The following PXDN variants were observed in gnomAD, a reference collection of about 807,000 sequenced individuals.
The protein encoded by PXDN is peroxidasin homolog.
In PXDN, 77 loss-of-function variants were observed where a neutral mutation model predicts 140.3. The observed-to-expected ratio is 0.55, with a 90% CI of 0.46 to 0.66. PXDN has a LOEUF of 0.66. Ranked by LOEUF, PXDN falls within the 30% of genes least tolerant of loss-of-function variation. The pLI is 0.00. For synonymous variants in PXDN, 911 were observed against 857.4 expected, an observed-to-expected ratio of 1.06 and a Z score of -1.09; for missense variants, 1,838 against 2,039.5, an observed-to-expected ratio of 0.90 and a Z score of 1.90.
At position 1,648,672 on chromosome 2, in the gene PXDN, C is replaced by A; in HGVS notation, c.3108G>T (p.Pro1036=). 2 of 1,608,524 alleles carry A rather than the reference C, an allele frequency of 1.2e-6. No homozygotes were observed. The highest frequency in any genetic ancestry group is 1.7e-6 in the Non-Finnish European group (2 of 1,177,898). The change falls in exon 17 of 23, where the codon CCG becomes CCT. Residue 1036 remains proline (P), a synonymous_variant. Coordinates refer to ENST00000252804, the MANE Select transcript of PXDN (RefSeq NM_012293.3). This position sits in a 1 kb window ranked among gnomAD's most constrained non-coding sequence, Gnocchi z 8.9. ...IQHITYQHWL[P]KILGEVGMRT... ...TCATGCCCACCTCCCCCAGGATCTT[C>A]GGGAGCCAGTGCTGGTAGGTGATGT... is the stretch of plus-strand genomic sequence containing the variant.
rs1683866139 is a variant in PXDN, at chr2:1,680,367, G to C, written c.561-5C>G. 1 of 1,613,804 alleles carries C rather than the reference G, an allele frequency of 6.2e-7. No individual in the cohort carries two copies. The highest frequency in any genetic ancestry group is 8.5e-7 in the Non-Finnish European group (1 of 1,179,850). On this transcript the variant is annotated splice_region_variant and splice_polypyrimidine_tract_variant and intron_variant, in intron 6 of 22. Coordinates refer to ENST00000252804, the MANE Select transcript of PXDN (RefSeq NM_012293.3). ...AGTGTGTTTGAGTCCAGTCGCCTGT[G>C]GGAAGGAAGATGCAGCCGGTGAGAC... is the stretch of plus-strand genomic sequence containing the variant.
chr2:1,698,949 T>C (rs1277148923), intron 1 of PXDN, among the ~76,000 whole-genome samples: 6 of 152,186 alleles, frequency 3.9e-5, no homozygotes, highest in South Asian at 2.1e-4. Context: ...AGTTTTAGGG[T>C]AGTTTTTGTG....
chr2:1,673,835 TGG>T (rs745490519), intron 8 of PXDN, 23 bp from the exon 9 acceptor site: 3 of 1,613,244 alleles, frequency 1.9e-6, no homozygotes, highest in Non-Finnish European at 2.5e-6. Flanking sequence ...AAATATGGTC[TGG>T]TCAAGTGTTG....
intron 1 of PXDN, among the ~76,000 whole-genome samples, chr2:1,726,420 GA>G (rs2125485674): frequency 7.3e-6 from 1 of 136,880 alleles, no homozygotes; most frequent in South Asian, 2.6e-4. Context: ...ACACTCTGGG[GA>G]CTGTTGTGGG....
chr2:1,674,932 A>G (rs1683662026), intron 8 of PXDN, among the ~76,000 whole-genome samples: 1 of 152,202 alleles, frequency 6.6e-6, no homozygotes, highest in Non-Finnish European at 1.5e-5. Context: ...GAGCAGCACC[A>G]GCACTGTGCA....
Position 1,680,272 on chromosome 2 carries a change from C to A in PXDN, c.651G>T (p.Gln217His). 6.2e-7 allele frequency: 1 copy of A among 1,613,888 alleles called. No homozygotes were observed. The highest frequency in any genetic ancestry group is 8.5e-7 in the Non-Finnish European group (1 of 1,179,870). ...TGGGATATTCACAGATGGCCGCTGC[C>A]TGCGCGTTCCCCGACTCCGCGTAGG... The part of the protein sequence containing the change: ...LKTYAESGNA[Q>H]AAAICEYPRR... Residue 217 changes from glutamine to histidine, a missense_variant, in exon 7 of 23, where the codon CAG becomes CAT. Physicochemically the swap from Gln to His is conservative, Grantham distance 24. Coordinates refer to ENST00000252804, the MANE Select transcript of PXDN (RefSeq NM_012293.3).
chr2:1,647,536 G>A (rs1269879402), intron 17 of PXDN, among the ~76,000 whole-genome samples: 1 of 152,226 alleles, frequency 6.6e-6, no homozygotes, highest in Non-Finnish European at 1.5e-5. Context: ...GGGTGACAGC[G>A]TCCCATTTTG....
chr2:1,664,910 C>G, intron 11 of PXDN, 48 bp downstream of exon 11: 1 of 1,442,740 alleles, frequency 6.9e-7, no homozygotes, highest in Non-Finnish European at 9.6e-7. Flanking sequence ...GTGCTTCCTG[C>G]GTCTGTGGCC....
chr2:1,701,149 T>A (rs1385367704), intron 1 of PXDN, among the ~76,000 whole-genome samples: 1 of 152,160 alleles, frequency 6.6e-6, no homozygotes, highest in Non-Finnish European at 1.5e-5. Flanking sequence ...TGGTTTTCCA[T>A]TAACATTTGC....
chr2:1,733,907 T>A (rs939025207), intron 1 of PXDN, among the ~76,000 whole-genome samples: 1 of 151,882 alleles, frequency 6.6e-6, no homozygotes, highest in Non-Finnish European at 1.5e-5. Flanking sequence ...CTATAAGACA[T>A]TTTTTTTAGA....
Position 1,639,254 on chromosome 2 carries a change from G to C in PXDN, c.4073+48C>G, listed in dbSNP as rs143217094. On this transcript the variant is annotated intron_variant, in intron 20 of 22. Transcript: ENST00000252804. The surrounding 1 kb of genome is among the most constrained non-coding windows in gnomAD (Gnocchi z 5.0). Reference sequence around the variant, plus strand: ...GCCGGTCCTACTGCCCGACGCCCGCGGTGCGAGGGCCCCTCTGCACATCAT... The same window carrying C: ...GCCGGTCCTACTGCCCGACGCCCGCCGTGCGAGGGCCCCTCTGCACATCAT... 1 of 1,580,694 alleles carries C rather than the reference G, an allele frequency of 6.3e-7. No individual in the cohort carries two copies. Among genetic ancestry groups the C allele is most frequent in the East Asian group, 2.3e-5 (1 of 43,222 alleles).
intron 7 of PXDN, 95 bp downstream of exon 7, chr2:1,680,098 G>A: frequency 1.4e-6 from 2 of 1,382,176 alleles, no homozygotes; most frequent in East Asian, 2.5e-5. Context: ...TGTGTGTGGT[G>A]TGTGGATGTT....
chr2:1,649,250 C>T lies in PXDN; in HGVS notation c.2530G>A (p.Gly844Arg), dbSNP rs1682950266. 1.2e-6 allele frequency: 2 copies of T among 1,613,124 alleles called. No individual in the cohort carries two copies. The highest frequency in any genetic ancestry group is 1.1e-5 in the South Asian group (1 of 90,990). Residue 844 changes from glycine (G) to arginine (R), a missense_variant, in exon 17 of 23, where the codon GGA becomes AGA. This residue lies in a region of PXDN where 850 missense variants were observed against 894.1 expected (regional missense o/e 0.95). Transcript: ENST00000252804. This position sits in a 1 kb window ranked among gnomAD's most constrained non-coding sequence, Gnocchi z 7.1. Reference protein sequence around the residue: ...VALSQARFSDGQHCSNVCSND... With the variant: ...VALSQARFSDRQHCSNVCSND... Reference sequence around the variant, plus strand: ...CTGCACACGTTGCTGCAGTGCTGTCCGTCGGAGAAGCGTGCCTGGCTCAGG... The same window carrying T: ...CTGCACACGTTGCTGCAGTGCTGTCTGTCGGAGAAGCGTGCCTGGCTCAGG...
chr2:1,713,622 T>C (rs931601567), intron 1 of PXDN, among the ~76,000 whole-genome samples: 1 of 152,198 alleles, frequency 6.6e-6, no homozygotes, highest in Non-Finnish European at 1.5e-5. Flanking sequence ...ATAGGGGCTG[T>C]ACCTCCAAAT....
intron 1 of PXDN, among the ~76,000 whole-genome samples, chr2:1,721,274 C>A (rs975870906): frequency 1.3e-5 from 2 of 152,152 alleles, no homozygotes; most frequent in Admixed American, 1.3e-4. Context: ...TGAGATGAAG[C>A]CAACTTAGAA....
chr2:1,682,820 A>G (rs1014467125), intron 6 of PXDN, among the ~76,000 whole-genome samples: 5 of 152,166 alleles, frequency 3.3e-5, no homozygotes, highest in Non-Finnish European at 5.9e-5. Flanking sequence ...CGCGCCTGTA[A>G]TCCCAGCTAC....
At chr2:1,744,545 TGTGCGCGGGG>T (rs1220718728), upstream of PXDN, 2 of 1,113,776 alleles carry the variant, frequency 1.8e-6, no homozygotes, top group Non-Finnish European at 2.3e-6. Flanking sequence ...ACGTCCCAGC[TGTGCGCGGGG>T]GGCGGGGGGC....
intron 9 of PXDN, among the ~76,000 whole-genome samples, chr2:1,668,690 TG>T (rs1683505792): frequency 6.6e-6 from 1 of 150,534 alleles, no homozygotes; most frequent in African/African-American, 2.4e-5. Context: ...AACAAACATA[TG>T]AAAAAAAAGC....
At position 1,635,392 on chromosome 2, in the gene PXDN, A is replaced by G. The variant is rs1291805626; in HGVS notation, c.4320+16T>C. The G allele has an allele frequency of 6.4e-7, 1 of 1,557,178 alleles. No homozygotes were observed. Among genetic ancestry groups the G allele is most frequent in the Non-Finnish European group, 8.7e-7 (1 of 1,147,124 alleles). On this transcript the variant is annotated intron_variant, in intron 22 of 22. Coordinates refer to ENST00000252804, the MANE Select transcript of PXDN (RefSeq NM_012293.3). Reference sequence around the variant, plus strand: ...CGTATACCTTAGGACATGAAGATAGAGCCCCCCATACTCACTTTGCATTCA... The same window carrying G: ...CGTATACCTTAGGACATGAAGATAGGGCCCCCCATACTCACTTTGCATTCA...
Sources: allele counts gnomAD v4.1 joint callset (sites outside exome capture counted in the v4.1 genomes callset), GRCh38; gene constraint gnomAD v4.1.1; regional missense constraint gnomAD v4.1.1; non-coding constraint Gnocchi (gnomAD v3.1); transcripts MANE v1.5; gene names NCBI Gene and HGNC (gene_info 2026-07-23, HGNC 2026-07-21).